UNC13C: variants seen among roughly 807,000 people sequenced by gnomAD.
UNC13C encodes the protein unc-13 homolog C.
Under a neutral mutation model 245.4 loss-of-function variants are expected in UNC13C, and 174 were observed. The observed-to-expected ratio is 0.71, with a 90% CI of 0.63 to 0.80. The LOEUF is 0.80. Ranked by LOEUF, UNC13C falls within the 30% of genes least tolerant of loss-of-function variation. The pLI is 0.00. For synonymous variants in UNC13C, 992 were observed against 895.1 expected, an observed-to-expected ratio of 1.11 and a Z score of -1.93; for missense variants, 2,829 against 2,602.9, an observed-to-expected ratio of 1.09 and a Z score of -1.89.
the UNC13C span, among the ~76,000 whole-genome samples, chr15:53,900,041 C>G: frequency 5.9e-5 from 9 of 152,152 alleles, no homozygotes; most frequent in African/African-American, 2.2e-4. Flanking sequence ...TATCCTATTT[C>G]ATCTTTGTGT....
chr15:53,920,605 A>G, the UNC13C span, among the ~76,000 whole-genome samples: 3 of 152,154 alleles, frequency 2.0e-5, no homozygotes, highest in East Asian at 3.9e-4. Context: ...TAACTTGATT[A>G]TTTTATTCTC....
At position 54,561,687 on chromosome 15, in the gene UNC13C, T is replaced by A. The variant is rs77633440; in HGVS notation, c.5959-6113T>A. 5.2e-3 allele frequency among the ~76,000 whole-genome samples: 793 copies of A among 152,114 alleles called. 6 individuals carry two copies. The highest frequency in any genetic ancestry group is 0.019 in the African/African-American group (773 of 41,528). Reference sequence around the variant, plus strand: ...CAGAGGTCCTTTTGTGCCCTCAGTATATTTCATAAAAGAGGATTCATCGAT... The same window carrying A: ...CAGAGGTCCTTTTGTGCCCTCAGTAAATTTCATAAAAGAGGATTCATCGAT... On this transcript the variant is annotated intron_variant, in intron 29 of 32. Transcript: ENST00000260323.
intron 2 of UNC13C, among the ~76,000 whole-genome samples, chr15:54,124,373 T>A (rs1339877932): frequency 1.3e-5 from 2 of 152,240 alleles, no homozygotes; most frequent in Non-Finnish European, 2.9e-5. Flanking sequence ...TGGTTTTTAT[T>A]TGCATTTTCT....
chr15:53,883,430 G>A, the UNC13C span, among the ~76,000 whole-genome samples: 2 of 152,198 alleles, frequency 1.3e-5, no homozygotes, highest in Non-Finnish European at 2.9e-5. Flanking sequence ...GGAGTCACAA[G>A]CAAAAGATAA....
intron 10 of UNC13C, among the ~76,000 whole-genome samples, chr15:54,267,720 G>T (rs910783399): frequency 6.6e-6 from 1 of 151,542 alleles, no homozygotes; most frequent in Non-Finnish European, 1.5e-5. Context: ...TTGTACAATT[G>T]GTTTATGATT....
At chr15:54,265,585 A>C in intron 10 of UNC13C, 89 bp downstream of exon 10, 120 of 1,011,340 alleles carry the variant, frequency 1.2e-4, no homozygotes, top group Middle Eastern at 3.5e-4. Flanking sequence ...TAATTATCTC[A>C]TTTTTTAATA....
chr15:54,465,430 T>C (rs1892114085), intron 19 of UNC13C, among the ~76,000 whole-genome samples: 1 of 152,034 alleles, frequency 6.6e-6, no homozygotes, highest in Non-Finnish European at 1.5e-5. Context: ...AATAAGGATC[T>C]GAGTTATAGA....
chr15:54,478,094 C>T (rs1040516394), intron 19 of UNC13C, among the ~76,000 whole-genome samples: 3 of 151,628 alleles, frequency 2.0e-5, no homozygotes, highest in Non-Finnish European at 2.9e-5. Context: ...AGTTTATTTG[C>T]GTAGAGGTGT....
rs540757455 is a variant in UNC13C at position 54,072,565 on chromosome 15, G to A, written c.2983+56679G>A. Among the ~76,000 whole-genome samples, 36 of 152,180 alleles carry A rather than the reference G, an allele frequency of 2.4e-4. 2 individuals are homozygous for A. In the East Asian group the frequency reaches 4.6e-3, roughly 20 times the overall value. ...GTCTTGACTTGCGTAGATAACACAAGACCTTTTTATCCCCCGTTTCTTTCA... is the reference window on the plus strand; with the variant it reads ...GTCTTGACTTGCGTAGATAACACAAAACCTTTTTATCCCCCGTTTCTTTCA... On this transcript the variant is annotated intron_variant, in intron 2 of 32. Coordinates refer to ENST00000260323, the MANE Select transcript of UNC13C (RefSeq NM_001080534.3).
intron 2 of UNC13C, among the ~76,000 whole-genome samples, chr15:54,108,831 A>C (rs1363145970): frequency 6.6e-6 from 1 of 152,214 alleles, no homozygotes; most frequent in Non-Finnish European, 1.5e-5. Context: ...GACAAAAAGG[A>C]ACCTGCTATG....
chr15:53,979,047 A>T (rs1383590810), intron 1 of UNC13C, among the ~76,000 whole-genome samples, 120 bp downstream of exon 1: 1 of 152,172 alleles, frequency 6.6e-6, no homozygotes, highest in African/African-American at 2.4e-5. Context: ...CTCTTAGCGT[A>T]GCAGATATAT....
rs79724458 is a variant in UNC13C, at chr15:54,452,727, T to C, written c.4933+37660T>C. Among the ~76,000 whole-genome samples, 707 of 152,332 alleles carry C rather than the reference T, an allele frequency of 4.6e-3. 5 individuals carry two copies. The highest frequency in any genetic ancestry group is 7.5e-3 in the Non-Finnish European group (511 of 68,030). On this transcript the variant is annotated intron_variant, in intron 19 of 32. Transcript: ENST00000260323. ...GATGGCTGCATCTGCACTGTGGCCCTGCTACTGCTAAGGGCCAGTTTGCTT... is the reference window on the plus strand; with the variant it reads ...GATGGCTGCATCTGCACTGTGGCCCCGCTACTGCTAAGGGCCAGTTTGCTT...
intron 17 of UNC13C, among the ~76,000 whole-genome samples, chr15:54,377,393 T>C (rs562870476): frequency 4.7e-4 from 72 of 152,306 alleles, no homozygotes; most frequent in African/African-American, 1.6e-3. Context: ...CCCTCCACAC[T>C]TGTTAGGTGT....
At chr15:54,000,350 T>C (rs1054870107) in intron 1 of UNC13C, among the ~76,000 whole-genome samples, 9 of 152,042 alleles carry the variant, frequency 5.9e-5, no homozygotes, top group Non-Finnish European at 1.0e-4. Context: ...TAATGACACC[T>C]CCCTCCATGG....
chr15:54,315,979 T>G (rs2037998648), intron 13 of UNC13C, among the ~76,000 whole-genome samples: 1 of 151,840 alleles, frequency 6.6e-6, no homozygotes, highest in East Asian at 1.9e-4. Context: ...AGCCTCCTAA[T>G]TGGACTCTTT....
At chr15:54,031,646 A>T (rs1896363259) in intron 2 of UNC13C, among the ~76,000 whole-genome samples, 1 of 152,248 alleles carries the variant, frequency 6.6e-6, no homozygotes, top group Non-Finnish European at 1.5e-5. Flanking sequence ...AGGAAGATGC[A>T]CAAGTGTATG....
intron 30 of UNC13C, among the ~76,000 whole-genome samples, chr15:54,573,571 G>A (rs1897844226): frequency 6.6e-6 from 1 of 152,158 alleles, no homozygotes; most frequent in Admixed American, 6.5e-5. Flanking sequence ...CATTTACTGA[G>A]TGTCCCCTCT....
chr15:54,502,177 G>A (rs1021409726), intron 22 of UNC13C, among the ~76,000 whole-genome samples: 5 of 152,054 alleles, frequency 3.3e-5, no homozygotes, highest in African/African-American at 1.2e-4. Flanking sequence ...TGCCTCACTC[G>A]CACACACTAT....
At chr15:53,851,616 C>G in the UNC13C span, among the ~76,000 whole-genome samples, 1 of 152,188 alleles carries the variant, frequency 6.6e-6, no homozygotes, top group Non-Finnish European at 1.5e-5. Flanking sequence ...CATAAACCCT[C>G]ATTCCAGAGG....
Sources: allele counts gnomAD v4.1 joint callset (sites outside exome capture counted in the v4.1 genomes callset), GRCh38; gene constraint gnomAD v4.1.1; transcripts MANE v1.5; gene names NCBI Gene and HGNC (gene_info 2026-07-23, HGNC 2026-07-21).